The following RBFOX3 variants were observed in gnomAD, a reference collection of about 807,000 sequenced individuals.
RBFOX3 encodes the protein RNA binding fox-1 homolog 3.
RBFOX3 carries 17 observed loss-of-function variants against 48.7 expected under a neutral mutation model. The observed-to-expected ratio is 0.35, with a 90% confidence interval of 0.24 to 0.52. RBFOX3 has a LOEUF of 0.52. Ranked by LOEUF, RBFOX3 falls within the 20% of genes least tolerant of loss-of-function variation. The pLI is 0.94. For synonymous variants in RBFOX3, 212 were observed against 209.5 expected (o/e 1.01, Z -0.10); for missense variants, 382 against 497.5 (o/e 0.77, Z 2.21).
intron 4 of RBFOX3, among the ~76,000 whole-genome samples, chr17:79,129,893 G>A (rs1439646745): frequency 6.6e-6 from 1 of 152,196 alleles, no homozygotes; most frequent in Non-Finnish European, 1.5e-5. Flanking sequence ...ACCTGCCCCA[G>A]TCGGGCTCCA....
At chr17:79,245,815 C>T (rs1299901852) in intron 3 of RBFOX3, among the ~76,000 whole-genome samples, 3 of 151,748 alleles carry the variant, frequency 2.0e-5, no homozygotes, top group East Asian at 1.9e-4. Flanking sequence ...TTAGTAGAGA[C>T]GGGGTTTCAC....
At chr17:79,182,713 C>T (rs928378499) in intron 4 of RBFOX3, among the ~76,000 whole-genome samples, 1 of 151,932 alleles carries the variant, frequency 6.6e-6, no homozygotes, top group Admixed American at 6.5e-5. Context: ...CTGGCCCCAG[C>T]CCCCTCCCCG....
chr17:79,427,484 G>A (rs2067602040), intron 2 of RBFOX3, among the ~76,000 whole-genome samples: 1 of 152,254 alleles, frequency 6.6e-6, no homozygotes, highest in Non-Finnish European at 1.5e-5. Flanking sequence ...CAGGGGAGCT[G>A]TGAGGCCGAA....
At chr17:79,573,561 G>A (rs901854391) in intron 1 of RBFOX3, among the ~76,000 whole-genome samples, 2 of 152,170 alleles carry the variant, frequency 1.3e-5, no homozygotes, top group South Asian at 2.1e-4. Context: ...TCCCCAGCAC[G>A]GGAAGAACAG....
intron 7 of RBFOX3, 35 bp downstream of exon 7, chr17:79,104,038 G>A (rs1352728085): frequency 7.9e-6 from 12 of 1,527,236 alleles, no homozygotes; most frequent in East Asian, 2.5e-5. Context: ...ACCTACAGCC[G>A]GCGCTGTAAG....
intron 2 of RBFOX3, among the ~76,000 whole-genome samples, chr17:79,351,628 T>C (rs1055842003): frequency 6.6e-6 from 1 of 152,236 alleles, no homozygotes. Flanking sequence ...GCCATTTGTA[T>C]GTCTGCTTTG....
At chr17:79,664,672 G>A in the RBFOX3 span, among the ~76,000 whole-genome samples, 5 of 152,118 alleles carry the variant, frequency 3.3e-5, no homozygotes, top group South Asian at 2.1e-4. Context: ...GTAAGTGCAC[G>A]GTTCAGTGGC....
chr17:79,275,889 C>T (rs1237704522), intron 3 of RBFOX3, among the ~76,000 whole-genome samples: 3 of 152,190 alleles, frequency 2.0e-5, no homozygotes, highest in Admixed American at 6.5e-5. Context: ...CCAAGAGAAA[C>T]GAAAATGTAT....
At chr17:79,659,301 A>G in the RBFOX3 span, among the ~76,000 whole-genome samples, 17 of 152,194 alleles carry the variant, frequency 1.1e-4, no homozygotes, top group Admixed American at 1.1e-3. Context: ...CTCTAGAATA[A>G]TAAATGAAAT....
At position 79,266,463 on chromosome 17, in the gene RBFOX3, T is replaced by A. The variant is rs2066724740; in HGVS notation, c.-73-30658A>T. On this transcript the variant is annotated intron_variant, in intron 3 of 14. Transcript: ENST00000693108. ...TAGGGGGTATTATTCAGAACTGGGT[T>A]GGAATTGTTTGCTAAGTTTCTGTGT... Among the ~76,000 whole-genome samples the A allele has an allele frequency of 2.0e-5, 3 of 152,178 alleles. No homozygotes were observed. The South Asian group carries it at 6.2e-4, about 32-fold the overall frequency.
chr17:79,354,493 G>A (rs988585601), intron 2 of RBFOX3, among the ~76,000 whole-genome samples: 1 of 152,274 alleles, frequency 6.6e-6, no homozygotes, highest in African/African-American at 2.4e-5. Context: ...TACTCTCAGT[G>A]GTTCCATAGT....
chr17:79,555,643 ATGGTGG>A (rs1284476177), intron 1 of RBFOX3, among the ~76,000 whole-genome samples: 19 of 3,344 alleles, frequency 5.7e-3, no homozygotes, highest in Middle Eastern at 0.17. Context: ...TATGTCAGTG[ATGGTGG>A]TGGTGGTGGT....
chr17:79,366,509 C>A (rs1021366237), intron 2 of RBFOX3, among the ~76,000 whole-genome samples: 9 of 152,196 alleles, frequency 5.9e-5, no homozygotes, highest in African/African-American at 2.2e-4. Context: ...AAGTCAGTGT[C>A]CCCAGAGCCT....
chr17:79,273,773 TA>T (rs755258672), intron 3 of RBFOX3, among the ~76,000 whole-genome samples: 1 of 152,076 alleles, frequency 6.6e-6, no homozygotes, highest in Non-Finnish European at 1.5e-5. Flanking sequence ...CAAAAACAGT[TA>T]AAGTCCGAGG....
At chr17:79,605,377 G>T (rs921347625) in intron 1 of RBFOX3, among the ~76,000 whole-genome samples, 2 of 152,170 alleles carry the variant, frequency 1.3e-5, no homozygotes, top group Non-Finnish European at 2.9e-5. Flanking sequence ...CTGCAAATGG[G>T]ATTATTTTCT....
At chr17:79,331,785 C>T (rs1691516673) in intron 2 of RBFOX3, among the ~76,000 whole-genome samples, 1 of 152,224 alleles carries the variant, frequency 6.6e-6, no homozygotes, top group Non-Finnish European at 1.5e-5. Context: ...TGAGGCCACA[C>T]AGCTCTGGTC....
chr17:79,573,761 C>A (rs1904446050), intron 1 of RBFOX3, among the ~76,000 whole-genome samples: 1 of 152,214 alleles, frequency 6.6e-6, no homozygotes, highest in South Asian at 2.1e-4. Flanking sequence ...CCCGGCATCA[C>A]CTGCCTCCAA....
At chr17:79,526,453 G>T (rs2086808544) in intron 1 of RBFOX3, among the ~76,000 whole-genome samples, 1 of 152,242 alleles carries the variant, frequency 6.6e-6, no homozygotes, top group African/African-American at 2.4e-5. Context: ...ATTTCTGCAA[G>T]GCTGTGCCTC....
At chr17:79,524,785 C>T (rs1017508892) in intron 1 of RBFOX3, among the ~76,000 whole-genome samples, 5 of 152,130 alleles carry the variant, frequency 3.3e-5, no homozygotes, top group Admixed American at 1.3e-4. Flanking sequence ...CAGAGCACCT[C>T]GAACATGGCA....
Sources: gnomAD v4.1 joint callset for allele counts (sites outside exome capture counted in the v4.1 genomes callset) on GRCh38, gnomAD v4.1.1 for gene constraint, MANE v1.5 for transcripts, NCBI Gene and HGNC (gene_info 2026-07-23, HGNC 2026-07-21) for gene names.